The following CDC42BPB variants were observed in gnomAD, a reference collection of about 807,000 sequenced individuals.
The protein encoded by CDC42BPB is serine/threonine-protein kinase MRCK beta.
CDC42BPB carries 37 observed loss-of-function variants against 214.9 expected under a neutral mutation model. The ratio of observed to expected loss-of-function variants is 0.17; its 90% CI spans 0.13 to 0.23. The LOEUF is 0.23. CDC42BPB is among the 10% of genes least tolerant of loss of function. CDC42BPB has a pLI of 1.00. For missense variants in CDC42BPB, 1,694 were observed against 2,227.0 expected, an observed-to-expected ratio of 0.76 and a Z score of 4.82; for synonymous variants, 931 against 884.0, an observed-to-expected ratio of 1.05 and a Z score of -0.94.
At position 103,042,850 on chromosome 14, in the gene CDC42BPB, T is replaced by C. The variant is rs79784077; in HGVS notation, c.175+14149A>G. 2.7e-3 allele frequency among the ~76,000 whole-genome samples: 412 copies of C among 152,212 alleles called. 17 individuals carry two copies. The East Asian group carries it at 0.073, about 27-fold the overall frequency. ...CTGCTGGTGGGAATGTAGACCACTG[T>C]AGAAAACAACCTGGCAGTTCCTCAG... On this transcript the variant is annotated intron_variant, in intron 1 of 36. Coordinates refer to ENST00000361246, the MANE Select transcript of CDC42BPB (RefSeq NM_006035.4).
chr14:102,962,325 G>A (rs951589698), intron 20 of CDC42BPB, among the ~76,000 whole-genome samples: 17 of 152,124 alleles, frequency 1.1e-4, no homozygotes, highest in Middle Eastern at 3.2e-3. Context: ...GAAATACACC[G>A]ACAAAAACAG....
intron 5 of CDC42BPB, among the ~76,000 whole-genome samples, chr14:102,996,257 G>A (rs971604729): frequency 4.0e-5 from 6 of 151,694 alleles, no homozygotes; most frequent in Admixed American, 6.6e-5. Context: ...GGAGAATGGC[G>A]TGAACCCGGG....
chr14:102,995,078 T>A (rs1231860784), intron 5 of CDC42BPB, among the ~76,000 whole-genome samples: 5 of 152,266 alleles, frequency 3.3e-5, no homozygotes, highest in African/African-American at 1.2e-4. Context: ...CTTTTTGTTT[T>A]CTACATATTC....
At chr14:102,974,844 G>A (rs1893663132) in intron 11 of CDC42BPB, among the ~76,000 whole-genome samples, 1 of 152,190 alleles carries the variant, frequency 6.6e-6, no homozygotes, top group East Asian at 1.9e-4. Flanking sequence ...TACTTGGGAG[G>A]CTGAGACAGG....
At chr14:103,041,674 C>A (rs1031181275) in intron 1 of CDC42BPB, 1 of 557,412 alleles carries the variant, frequency 1.8e-6, no homozygotes, top group African/African-American at 1.9e-5. Flanking sequence ...CACCAAGGTG[C>A]GCACCGGCCG....
At chr14:103,026,908 C>T (rs963690379) in intron 1 of CDC42BPB, among the ~76,000 whole-genome samples, 1 of 151,220 alleles carries the variant, frequency 6.6e-6, no homozygotes, top group Non-Finnish European at 1.5e-5. Flanking sequence ...ACAACAGAAG[C>T]GTAGGAAATA....
intron 5 of CDC42BPB, among the ~76,000 whole-genome samples, chr14:102,988,940 C>T (rs898333180): frequency 1.5e-4 from 22 of 148,828 alleles, no homozygotes; most frequent in Admixed American, 1.3e-3. Flanking sequence ...ATTTCTCATT[C>T]GATTATGTAC....
intron 3 of CDC42BPB, among the ~76,000 whole-genome samples, chr14:103,005,704 AG>A (rs916457072): frequency 1.9e-4 from 29 of 151,386 alleles, no homozygotes; most frequent in African/African-American, 6.8e-4. Context: ...CTCTAAAACA[AG>A]AAAAAAAAAG....
At chr14:103,036,609 T>C (rs951083071) in intron 1 of CDC42BPB, among the ~76,000 whole-genome samples, 3 of 151,862 alleles carry the variant, frequency 2.0e-5, no homozygotes, top group African/African-American at 7.3e-5. Flanking sequence ...TTTAAAAAAA[T>C]AATAAAAAAA....
chr14:102,988,006 C>T (rs1161847758), intron 5 of CDC42BPB, among the ~76,000 whole-genome samples: 1 of 152,062 alleles, frequency 6.6e-6, no homozygotes, highest in African/African-American at 2.4e-5. Flanking sequence ...CACACAAACA[C>T]ACACGCACGC....
chr14:102,975,438 G>A (rs1027991494), intron 11 of CDC42BPB, among the ~76,000 whole-genome samples: 5 of 152,124 alleles, frequency 3.3e-5, no homozygotes, highest in African/African-American at 4.8e-5. Context: ...CAAGAGAATC[G>A]CTTGAACCCA....
At chr14:102,953,621 G>T (rs546371459) in intron 23 of CDC42BPB, among the ~76,000 whole-genome samples, 174 of 152,318 alleles carry the variant, frequency 1.1e-3, no homozygotes, top group Non-Finnish European at 2.1e-3. Context: ...CGTCACCCTG[G>T]AGACTTTCTG....
intron 34 of CDC42BPB, among the ~76,000 whole-genome samples, chr14:102,939,318 T>C (rs903816830): frequency 3.3e-5 from 5 of 152,238 alleles, no homozygotes; most frequent in South Asian, 2.1e-4. Context: ...CACCACCTCA[T>C]GGCAAACGTC....
chr14:103,016,970 T>A (rs1481756986), intron 1 of CDC42BPB, among the ~76,000 whole-genome samples: 1 of 152,104 alleles, frequency 6.6e-6, no homozygotes, highest in Non-Finnish European at 1.5e-5. Context: ...CAGCAGCCGG[T>A]GCCCAGAAGT....
At chr14:103,010,899 G>A (rs945314661) in intron 2 of CDC42BPB, among the ~76,000 whole-genome samples, 2 of 152,186 alleles carry the variant, frequency 1.3e-5, no homozygotes, top group Non-Finnish European at 1.5e-5. Flanking sequence ...GCCTGGTGGC[G>A]GGCACCTGTG....
chr14:102,953,301 G>A (rs2139402865), intron 23 of CDC42BPB, among the ~76,000 whole-genome samples: 1 of 152,380 alleles, frequency 6.6e-6, no homozygotes, highest in East Asian at 1.9e-4. Context: ...GGCTGGCTGA[G>A]GTGGGCAGGG....
intron 1 of CDC42BPB, among the ~76,000 whole-genome samples, chr14:103,015,246 A>C (rs1358059674): frequency 6.6e-6 from 1 of 152,212 alleles, no homozygotes; most frequent in Non-Finnish European, 1.5e-5. Flanking sequence ...CAGAAGGAAA[A>C]GCCTAAGAAA....
chr14:103,040,726 G>C (rs1022121059), intron 1 of CDC42BPB, among the ~76,000 whole-genome samples: 13 of 152,106 alleles, frequency 8.5e-5, no homozygotes, highest in Non-Finnish European at 1.5e-4. Context: ...CCAAAGTGTT[G>C]GGATTACAGG....
intron 10 of CDC42BPB, 35 bp downstream of exon 10, chr14:102,975,848 C>T (rs1893715873): frequency 1.9e-6 from 3 of 1,613,850 alleles, no homozygotes; most frequent in Non-Finnish European, 2.5e-6. Flanking sequence ...GGCCGCAGCG[C>T]CCCCGCCTGG....
Sources: gnomAD v4.1 joint callset for allele counts (sites outside exome capture counted in the v4.1 genomes callset) on GRCh38, gnomAD v4.1.1 for gene constraint, MANE v1.5 for transcripts, NCBI Gene and HGNC (gene_info 2026-07-23, HGNC 2026-07-21) for gene names.